The following VWA3B variants were observed in gnomAD, a reference collection of about 807,000 sequenced individuals.
The protein encoded by VWA3B is von Willebrand factor A domain containing 3B.
In VWA3B, 138 loss-of-function variants were observed where a neutral mutation model predicts 158.3. That is an observed-to-expected ratio of 0.87 (90% CI 0.76 to 1.00). The LOEUF (loss-of-function observed/expected upper bound fraction) is 1.00. Among genes scored for constraint, VWA3B ranks in the 50% least tolerant of loss-of-function variants. The pLI, the probability that VWA3B is intolerant of heterozygous loss-of-function variation, is 0.00. For missense variants in VWA3B, 1,555 were observed against 1,565.1 expected (o/e 0.99, Z 0.11); for synonymous variants, 596 against 587.3 (o/e 1.01, Z -0.21).
chr2:98,284,538 A>G (rs1689056996), intron 22 of VWA3B, among the ~76,000 whole-genome samples: 1 of 152,254 alleles, frequency 6.6e-6, no homozygotes, highest in Admixed American at 6.5e-5. Context: ...TCTTAAGAGG[A>G]GGCCTGCAAA....
Position 98,219,306 on chromosome 2 carries a change from T to G in VWA3B, c.2019+1278T>G, listed in dbSNP as rs547070418. Among the ~76,000 whole-genome samples the G allele has an allele frequency of 2.6e-5, 4 of 151,662 alleles. No individual in the cohort carries two copies. In the South Asian group the frequency reaches 8.4e-4, roughly 32 times the overall value. The stretch of plus-strand genomic sequence containing the variant: ...AGTAAGACACAAATTAAACTAGCAA[T>G]GAAAAATATATAGAATGGGATGAAC... On this transcript the variant is annotated intron_variant, in intron 14 of 27. Transcript: ENST00000477737.
intron 6 of VWA3B, among the ~76,000 whole-genome samples, chr2:98,129,259 G>GT (rs1491368601): frequency 2.7e-5 from 4 of 148,130 alleles, no homozygotes; most frequent in African/African-American, 2.5e-5. Flanking sequence ...GTGTGTGTGT[G>GT]GAGAGAGAGG....
intron 22 of VWA3B, among the ~76,000 whole-genome samples, chr2:98,271,897 A>T (rs1010599674): frequency 6.6e-6 from 1 of 152,174 alleles, no homozygotes; most frequent in African/African-American, 2.4e-5. Flanking sequence ...TGTGTTGGAA[A>T]CTTGATCTCC....
intron 22 of VWA3B, among the ~76,000 whole-genome samples, chr2:98,285,647 G>T (rs1284476405): frequency 6.6e-6 from 1 of 150,774 alleles, no homozygotes; most frequent in African/African-American, 2.4e-5. Context: ...ATGACTGTAG[G>T]TATAGGAAGT....
At chr2:98,183,801 G>A (rs1367361862) in intron 9 of VWA3B, among the ~76,000 whole-genome samples, 1 of 152,198 alleles carries the variant, frequency 6.6e-6, no homozygotes, top group Non-Finnish European at 1.5e-5. Context: ...CAAATCATGT[G>A]ACTTCTTTGA....
At chr2:98,175,874 A>T (rs1679970590) in intron 8 of VWA3B, among the ~76,000 whole-genome samples, 2 of 152,238 alleles carry the variant, frequency 1.3e-5, no homozygotes, top group Admixed American at 1.3e-4. Context: ...CATCTCCTTC[A>T]TTCCCTCCTC....
chr2:98,156,598 G>T (rs780013848), intron 7 of VWA3B, among the ~76,000 whole-genome samples: 4 of 151,648 alleles, frequency 2.6e-5, no homozygotes, highest in Non-Finnish European at 2.9e-5. Flanking sequence ...ATTTTTATGC[G>T]CTATAGATCC....
chr2:98,299,368 C>T (rs936820210), intron 24 of VWA3B, among the ~76,000 whole-genome samples: 3 of 152,236 alleles, frequency 2.0e-5, no homozygotes, highest in Admixed American at 6.5e-5. Context: ...ATGTCTGGCT[C>T]ATCCTCTTGC....
chr2:98,097,165 A>T (rs1255221123), intron 2 of VWA3B, among the ~76,000 whole-genome samples: 1 of 152,110 alleles, frequency 6.6e-6, no homozygotes, highest in East Asian at 1.9e-4. Flanking sequence ...GATGAATTGT[A>T]TAGTGGTGAA....
chr2:98,231,403 G>C (rs1215408763), intron 16 of VWA3B, among the ~76,000 whole-genome samples: 2 of 152,078 alleles, frequency 1.3e-5, no homozygotes, highest in Non-Finnish European at 2.9e-5. Flanking sequence ...TAATCAAGAC[G>C]GTGTGGTATT....
chr2:98,208,387 C>T (rs989468481), intron 12 of VWA3B, among the ~76,000 whole-genome samples: 1 of 151,924 alleles, frequency 6.6e-6, no homozygotes, highest in Non-Finnish European at 1.5e-5. Context: ...GATTAAGTGT[C>T]TCATTTTATT....
chr2:98,161,347 C>T (rs1678559375), intron 7 of VWA3B, among the ~76,000 whole-genome samples: 1 of 152,208 alleles, frequency 6.6e-6, no homozygotes, highest in Non-Finnish European at 1.5e-5. Flanking sequence ...TGCGTGATGC[C>T]ATTCTGGCAG....
At chr2:98,100,534 C>A (rs1052621097) in intron 2 of VWA3B, among the ~76,000 whole-genome samples, 15 of 152,216 alleles carry the variant, frequency 9.9e-5, no homozygotes, top group Admixed American at 3.3e-4. Context: ...ATTTTTAGCC[C>A]ATGGTCACTG....
intron 21 of VWA3B, among the ~76,000 whole-genome samples, chr2:98,264,318 G>A (rs1687661220): frequency 1.3e-5 from 2 of 151,788 alleles, no homozygotes; most frequent in Admixed American, 6.6e-5. Context: ...AAGTTAAATT[G>A]TTAATTTGGG....
At position 98,093,230 on chromosome 2, in the gene VWA3B, G is replaced by A. The variant is rs779896387; in HGVS notation, c.138G>A (p.Lys46=). 6.2e-7 allele frequency: 1 copy of A among 1,614,132 alleles called. No homozygotes were observed. The highest frequency in any genetic ancestry group is 2.2e-5 in the East Asian group (1 of 44,864). ...AATGGCTTCAACTGCATGGGCTTAA[G>A]AGCAACAAATTGACCTTGAAACAGA... ...SEKWLQLHGL[K]SNKLTLKQIL... is the part of the protein sequence containing the mutation. The change falls in exon 2 of 28, where the codon AAG becomes AAA. Residue 46 remains lysine, a synonymous_variant. Transcript: ENST00000477737.
chr2:98,295,670 T>C (rs1344641975), intron 23 of VWA3B, among the ~76,000 whole-genome samples: 2 of 151,916 alleles, frequency 1.3e-5, no homozygotes, highest in Non-Finnish European at 2.9e-5. Flanking sequence ...AGAACCGAGG[T>C]CCTCAAACGG....
intron 12 of VWA3B, among the ~76,000 whole-genome samples, chr2:98,210,510 A>C (rs1683421178): frequency 6.6e-6 from 1 of 152,216 alleles, no homozygotes; most frequent in South Asian, 2.1e-4. Flanking sequence ...TTATGTGCTT[A>C]CTAAGTATCT....
chr2:98,120,700 C>T (rs1674889497), intron 4 of VWA3B, among the ~76,000 whole-genome samples: 1 of 152,146 alleles, frequency 6.6e-6, no homozygotes, highest in Non-Finnish European at 1.5e-5. Context: ...AATGGCTCTT[C>T]TTTTTTTGGA....
At chr2:98,237,848 T>G (rs929186509) in intron 19 of VWA3B, among the ~76,000 whole-genome samples, 1 of 152,196 alleles carries the variant, frequency 6.6e-6, no homozygotes, top group Non-Finnish European at 1.5e-5. Context: ...GCTTGGGGTT[T>G]GCTTTATTGT....
Sources: allele counts gnomAD v4.1 joint callset (sites outside exome capture counted in the v4.1 genomes callset), GRCh38; gene constraint gnomAD v4.1.1; transcripts MANE v1.5; gene names NCBI Gene and HGNC (gene_info 2026-07-23, HGNC 2026-07-21).